The following MARK3 variants were observed in gnomAD, a reference collection of about 807,000 sequenced individuals.
The protein encoded by MARK3 is microtubule affinity regulating kinase 3.
Under a neutral mutation model 90.1 loss-of-function variants are expected in MARK3, and 46 were observed. The ratio of observed to expected loss-of-function variants is 0.51; its 90% CI spans 0.40 to 0.65. MARK3 has a LOEUF of 0.65. MARK3 is among the 30% of genes least tolerant of loss of function. The pLI, the probability that MARK3 is intolerant of heterozygous loss-of-function variation, is 0.00. For synonymous variants in MARK3, 321 were observed against 332.6 expected (o/e 0.97, Z 0.38); for missense variants, 818 against 947.2 (o/e 0.86, Z 1.79).
intron 1 of MARK3, chr14:103,386,344 C>A (rs745613774): frequency 1.7e-5 from 12 of 690,408 alleles, no homozygotes; most frequent in Non-Finnish European, 2.7e-5. Context: ...CGTTACGGAT[C>A]GGTGCTTTGA....
chr14:103,499,462 G>GA, intron 16 of MARK3: 1 of 152,208 alleles, frequency 6.6e-6, no homozygotes, highest in East Asian at 1.9e-4. Flanking sequence ...CCTCAAAAAA[G>GA]AAAAACATAT....
intron 2 of MARK3, among the ~76,000 whole-genome samples, chr14:103,410,525 T>TCC (rs1450376577): frequency 1.3e-5 from 2 of 152,168 alleles, no homozygotes; most frequent in Non-Finnish European, 2.9e-5. Flanking sequence ...TTTTTGTCAT[T>TCC]CATAATTTCT....
chr14:103,387,942 T>C (rs1481962204), intron 1 of MARK3, among the ~76,000 whole-genome samples: 1 of 151,988 alleles, frequency 6.6e-6, no homozygotes, highest in Non-Finnish European at 1.5e-5. Context: ...TTTCTTTCTT[T>C]CTTTTTTGAG....
intron 13 of MARK3, among the ~76,000 whole-genome samples, chr14:103,478,270 G>A (rs2093751893): frequency 6.7e-6 from 1 of 149,860 alleles, no homozygotes; most frequent in Admixed American, 6.7e-5. Context: ...ACTCCAGCCT[G>A]GGCGAAAAAG....
intron 3 of MARK3, among the ~76,000 whole-genome samples, chr14:103,440,160 A>G (rs776560502): frequency 2.6e-5 from 4 of 152,108 alleles, no homozygotes; most frequent in African/African-American, 4.8e-5. Context: ...TGCTATGTCC[A>G]TTTTCAAGAA....
intron 12 of MARK3, chr14:103,469,084 A>G (rs1239235957): frequency 6.6e-6 from 1 of 152,074 alleles, no homozygotes; most frequent in Non-Finnish European, 1.5e-5. Context: ...TGTCCAGTCA[A>G]GAAGCTACTG....
At chr14:103,388,206 C>T (rs2089963578) in intron 1 of MARK3, among the ~76,000 whole-genome samples, 1 of 152,260 alleles carries the variant, frequency 6.6e-6, no homozygotes, top group Admixed American at 6.5e-5. Flanking sequence ...GCTGGGATTA[C>T]AGGCGTGAGC....
intron 14 of MARK3, among the ~76,000 whole-genome samples, chr14:103,487,925 G>A (rs746860666): frequency 6.6e-6 from 1 of 152,074 alleles, no homozygotes; most frequent in Non-Finnish European, 1.5e-5. Context: ...GTGGGTGCCT[G>A]TAGTCCCAGC....
At chr14:103,454,805 C>T (rs901162019) in intron 5 of MARK3, among the ~76,000 whole-genome samples, 3 of 152,074 alleles carry the variant, frequency 2.0e-5, no homozygotes, top group Non-Finnish European at 4.4e-5. Context: ...TGTTCTATGC[C>T]AAGGGGTCCA....
chr14:103,441,685 C>T (rs965502900), intron 3 of MARK3: 1 of 152,144 alleles, frequency 6.6e-6, no homozygotes, highest in Non-Finnish European at 1.5e-5. Context: ...AAGCCACCAG[C>T]AGTCATGTGT....
intron 1 of MARK3, among the ~76,000 whole-genome samples, chr14:103,396,873 T>C (rs1391602790): frequency 6.6e-6 from 1 of 152,144 alleles, no homozygotes; most frequent in African/African-American, 2.4e-5. Context: ...ACTAGCCACA[T>C]GTGGGGCTAC....
chr14:103,438,678 C>T (rs950327099), intron 3 of MARK3, among the ~76,000 whole-genome samples: 5 of 151,570 alleles, frequency 3.3e-5, no homozygotes, highest in Non-Finnish European at 7.4e-5. Flanking sequence ...CTTAGTTTGT[C>T]TTTGAAATAT....
chr14:103,425,256 AT>A (rs1325301242), intron 2 of MARK3, among the ~76,000 whole-genome samples: 5 of 146,802 alleles, frequency 3.4e-5, no homozygotes, highest in South Asian at 2.2e-4. Flanking sequence ...TTTATTATTT[AT>A]TTATTTATTT....
At chr14:103,400,877 C>G (rs1377164126) in intron 1 of MARK3, among the ~76,000 whole-genome samples, 1 of 103,182 alleles carries the variant, frequency 9.7e-6, no homozygotes, top group Non-Finnish European at 1.8e-5. Flanking sequence ...CCAGCCTGGG[C>G]AACAGAACGA....
chr14:103,457,017 A>G (rs1566877076), intron 5 of MARK3, 125 bp from the exon 6 acceptor site: 1 of 536,568 alleles, frequency 1.9e-6, no homozygotes, highest in African/African-American at 1.9e-5. Context: ...AATTCCACAT[A>G]TTTCTGGCTA....
intron 6 of MARK3, among the ~76,000 whole-genome samples, chr14:103,457,539 A>G (rs1387939985): frequency 6.6e-6 from 1 of 152,240 alleles, no homozygotes; most frequent in African/African-American, 2.4e-5. Flanking sequence ...TTTAGCAAGC[A>G]GAATGTCAGA....
rs564439948 is a variant in MARK3 at position 103,428,286 on chromosome 14, G to A, written c.244-101G>A. 1.1e-4 allele frequency: 63 copies of A among 574,010 alleles called. No homozygotes were observed. The South Asian group carries it at 1.4e-3, about 13-fold the overall frequency. 35.6% of individuals were successfully genotyped at this position (574,010 alleles called of 1,614,324 possible). On this transcript the variant is annotated intron_variant, in intron 2 of 17. Coordinates refer to ENST00000429436, the MANE Select transcript of MARK3 (RefSeq NM_001128918.3). Reference sequence around the variant, plus strand: ...TGAGTTTTAGGTTTTGTGGTTTGTTGCTTGCTTGCTTGCTTGCTTCTTAAT... The same window carrying A: ...TGAGTTTTAGGTTTTGTGGTTTGTTACTTGCTTGCTTGCTTGCTTCTTAAT...
chr14:103,471,028 A>G (rs994342792), intron 12 of MARK3, among the ~76,000 whole-genome samples: 6 of 152,286 alleles, frequency 3.9e-5, no homozygotes, highest in East Asian at 1.9e-4. Flanking sequence ...TCATTCTCAC[A>G]TCAGGATTTG....
intron 2 of MARK3, among the ~76,000 whole-genome samples, chr14:103,418,989 C>CTT (rs2140934262): frequency 6.6e-6 from 1 of 152,280 alleles, no homozygotes; most frequent in African/African-American, 2.4e-5. Flanking sequence ...CTCAGAACTC[C>CTT]TTTAAATTGA....
Sources: allele counts gnomAD v4.1 joint callset (sites outside exome capture counted in the v4.1 genomes callset), GRCh38; gene constraint gnomAD v4.1.1; transcripts MANE v1.5; gene names NCBI Gene and HGNC (gene_info 2026-07-23, HGNC 2026-07-21).